SUGCT: variants seen among roughly 807,000 people sequenced by gnomAD.
SUGCT encodes the protein succinyl-CoA:glutarate-CoA transferase.
SUGCT carries 41 observed loss-of-function variants against 55.0 expected under a neutral mutation model. That is an observed-to-expected ratio of 0.74 (90% CI 0.58 to 0.97). The LOEUF (loss-of-function observed/expected upper bound fraction) is 0.97, where lower values mean the gene tolerates loss of function less well. Among genes scored for constraint, SUGCT ranks in the 50% least tolerant of loss-of-function variants. The pLI is 0.00. For synonymous variants in SUGCT, 187 were observed against 200.4 expected (o/e 0.93, Z 0.56); for missense variants, 568 against 547.8 (o/e 1.04, Z -0.37).
chr7:40,419,010 T>G (rs1562763214), intron 9 of SUGCT, among the ~76,000 whole-genome samples: 1 of 152,188 alleles, frequency 6.6e-6, no homozygotes, highest in African/African-American at 2.4e-5. Flanking sequence ...TACATGTATT[T>G]GGAAATTGTG....
At chr7:40,412,813 T>C (rs1470397104) in intron 9 of SUGCT, among the ~76,000 whole-genome samples, 1 of 152,176 alleles carries the variant, frequency 6.6e-6, no homozygotes, top group Non-Finnish European at 1.5e-5. Flanking sequence ...TTTTCTTAGC[T>C]CATCTTTACT....
At chr7:40,848,950 ATATTGT>A (rs1490432111) in intron 13 of SUGCT, among the ~76,000 whole-genome samples, 2 of 152,300 alleles carry the variant, frequency 1.3e-5, no homozygotes, top group African/African-American at 2.4e-5. Context: ...CCATATAAAA[ATATTGT>A]TATTGTTATG....
intron 12 of SUGCT, among the ~76,000 whole-genome samples, chr7:40,618,681 C>T (rs4720371): frequency 6.6e-6 from 1 of 151,966 alleles, no homozygotes. Context: ...ATAGAAACTT[C>T]GTTCATAAGG....
intron 9 of SUGCT, among the ~76,000 whole-genome samples, chr7:40,323,891 C>T (rs1004603127): frequency 6.6e-6 from 1 of 152,146 alleles, no homozygotes; most frequent in African/African-American, 2.4e-5. Flanking sequence ...CGGGCTTACC[C>T]AGAAATCCTG....
At chr7:40,588,705 C>T (rs2151728297) in intron 12 of SUGCT, among the ~76,000 whole-genome samples, 1 of 152,120 alleles carries the variant, frequency 6.6e-6, no homozygotes, top group Non-Finnish European at 1.5e-5. Context: ...TGCAATAATC[C>T]TGGTTAATCT....
At chr7:40,819,385 G>C (rs902168287) in intron 13 of SUGCT, among the ~76,000 whole-genome samples, 5 of 152,138 alleles carry the variant, frequency 3.3e-5, no homozygotes, top group Non-Finnish European at 5.9e-5. Flanking sequence ...CAGTGTAAAG[G>C]TGTTCCTATT....
chr7:40,937,966 A>C, the SUGCT span, among the ~76,000 whole-genome samples: 5 of 152,178 alleles, frequency 3.3e-5, no homozygotes, highest in Non-Finnish European at 7.3e-5. Context: ...CACACAACCT[A>C]GATCCCTCGC....
At chr7:40,187,134 A>G (rs1785565203) in intron 3 of SUGCT, among the ~76,000 whole-genome samples, 1 of 152,216 alleles carries the variant, frequency 6.6e-6, no homozygotes, top group South Asian at 2.1e-4. Context: ...TGTCCTTCGT[A>G]GGGACATGGA....
At chr7:40,940,027 T>C in the SUGCT span, among the ~76,000 whole-genome samples, 1 of 152,192 alleles carries the variant, frequency 6.6e-6, no homozygotes, top group Non-Finnish European at 1.5e-5. Flanking sequence ...TTTAAGACTT[T>C]AATCCAACTT....
At chr7:40,542,374 C>A (rs1480675653) in intron 12 of SUGCT, among the ~76,000 whole-genome samples, 1 of 152,172 alleles carries the variant, frequency 6.6e-6, no homozygotes, top group African/African-American at 2.4e-5. Flanking sequence ...GCTCTACTCC[C>A]TTTCTCCAGG....
Position 40,680,897 on chromosome 7 carries a change from A to G in SUGCT, c.1090-68537A>G, listed in dbSNP as rs575432843. ...TAATGAGATGAAGCACCATGTCCAC[A>G]CTTAACATTAGGAAAATTCATGCAC... On this transcript the variant is annotated intron_variant, in intron 12 of 13. Coordinates refer to ENST00000335693, the MANE Select transcript of SUGCT (RefSeq NM_001193313.2). Among the ~76,000 whole-genome samples, 4 of 152,304 alleles carry G rather than the reference A, an allele frequency of 2.6e-5. No homozygotes were observed. In the East Asian group the frequency reaches 7.7e-4, roughly 29 times the overall value.
At chr7:40,936,033 T>C in the SUGCT span, among the ~76,000 whole-genome samples, 1 of 152,154 alleles carries the variant, frequency 6.6e-6, no homozygotes. Flanking sequence ...ATTAATTATT[T>C]GATGGAAAAT....
intron 12 of SUGCT, among the ~76,000 whole-genome samples, chr7:40,699,091 G>T (rs1309561149): frequency 6.6e-6 from 1 of 152,170 alleles, no homozygotes; most frequent in Non-Finnish European, 1.5e-5. Context: ...GGGAGGCACA[G>T]AATTCACCTG....
intron 11 of SUGCT, among the ~76,000 whole-genome samples, chr7:40,467,549 A>G (rs184243717): frequency 6.6e-6 from 1 of 152,192 alleles, no homozygotes; most frequent in East Asian, 1.9e-4. Context: ...CATTCTTTCT[A>G]TTTTTGAGAC....
chr7:40,842,405 A>T (rs529284366), intron 13 of SUGCT, among the ~76,000 whole-genome samples: 1 of 152,192 alleles, frequency 6.6e-6, no homozygotes. Flanking sequence ...CTCATTTTGC[A>T]TGGTTCATGG....
At chr7:40,843,327 T>C (rs760325638) in intron 13 of SUGCT, among the ~76,000 whole-genome samples, 1 of 151,788 alleles carries the variant, frequency 6.6e-6, no homozygotes, top group Admixed American at 6.6e-5. Flanking sequence ...CCGGCCAACA[T>C]GGTGAAACCC....
chr7:40,636,727 A>C (rs1800037751), intron 12 of SUGCT, among the ~76,000 whole-genome samples: 1 of 152,112 alleles, frequency 6.6e-6, no homozygotes, highest in Admixed American at 6.6e-5. Context: ...AACATTGTGA[A>C]TGTATTTTGT....
the SUGCT span, among the ~76,000 whole-genome samples, chr7:41,029,787 G>T: frequency 6.6e-6 from 1 of 151,990 alleles, no homozygotes; most frequent in African/African-American, 2.4e-5. Flanking sequence ...TTACATTAAG[G>T]CTCACTCTTT....
At chr7:40,255,780 G>A (rs915293808) in intron 7 of SUGCT, among the ~76,000 whole-genome samples, 3 of 149,294 alleles carry the variant, frequency 2.0e-5, no homozygotes, top group African/African-American at 5.0e-5. Context: ...TTTTATTTTC[G>A]CCATCACAGT....
Sources: allele counts gnomAD v4.1 joint callset (sites outside exome capture counted in the v4.1 genomes callset), GRCh38; gene constraint gnomAD v4.1.1; transcripts MANE v1.5; gene names NCBI Gene and HGNC (gene_info 2026-07-23, HGNC 2026-07-21).